MAP4K3: variants seen among roughly 807,000 people sequenced by gnomAD.
MAP4K3 encodes the protein mitogen-activated protein kinase kinase kinase kinase 3.
In MAP4K3, 94 loss-of-function variants were observed where a neutral mutation model predicts 143.5. The observed-to-expected ratio is 0.65, with a 90% CI of 0.55 to 0.78. MAP4K3 has a LOEUF of 0.78. Among genes scored for constraint, MAP4K3 ranks in the 30% least tolerant of loss-of-function variants. The pLI is 0.00. For synonymous variants in MAP4K3, 416 were observed against 347.2 expected (o/e 1.20, Z -2.20); for missense variants, 1,077 against 1,068.1 (o/e 1.01, Z -0.12).
In MAP4K3 at chr2:39,323,139, CT is replaced by C. The variant is rs1010734842; in HGVS notation, c.918+2378del. On this transcript the variant is annotated intron_variant, in intron 12 of 33. Coordinates refer to ENST00000263881, the MANE Select transcript of MAP4K3 (RefSeq NM_003618.4). Reference sequence around the variant, plus strand: ...TTAAGAAAAACATTATTCTAAGCTACTGTGAGAGGGAATGTAACAGCTTCCC... The same window carrying C: ...TTAAGAAAAACATTATTCTAAGCTACGTGAGAGGGAATGTAACAGCTTCCC... Among the ~76,000 whole-genome samples, 8 of 152,136 alleles carry C rather than the reference CT, an allele frequency of 5.3e-5. 1 individual carries two copies. Among genetic ancestry groups the C allele is most frequent in the African/African-American group, 1.9e-4 (8 of 41,444 alleles).
intron 24 of MAP4K3, among the ~76,000 whole-genome samples, chr2:39,275,015 C>A (rs903996455): frequency 6.6e-6 from 1 of 152,194 alleles, no homozygotes; most frequent in African/African-American, 2.4e-5. Context: ...ATGAAAAATT[C>A]AGGCTCCACA....
intron 1 of MAP4K3, among the ~76,000 whole-genome samples, chr2:39,390,422 G>A (rs570381123): frequency 2.0e-5 from 3 of 152,278 alleles, no homozygotes; most frequent in Non-Finnish European, 2.9e-5. Flanking sequence ...TCCACACCAC[G>A]CAGACTCTGA....
chr2:39,263,023 C>G (rs1680627999), intron 28 of MAP4K3, among the ~76,000 whole-genome samples: 1 of 151,716 alleles, frequency 6.6e-6, no homozygotes. Flanking sequence ...TCCTGGGAGG[C>G]TGAGGGTGCA....
chr2:39,424,239 C>G (rs117781071), intron 1 of MAP4K3, among the ~76,000 whole-genome samples: 1 of 152,216 alleles, frequency 6.6e-6, no homozygotes, highest in East Asian at 1.9e-4. Context: ...CCATCGCGCC[C>G]GGCCTGGTTC....
intron 21 of MAP4K3, among the ~76,000 whole-genome samples, 151 bp downstream of exon 21, chr2:39,286,696 ATAATC>A: frequency 6.6e-6 from 1 of 152,330 alleles, no homozygotes; most frequent in South Asian, 2.1e-4. Context: ...CAAGATTTAA[ATAATC>A]TATTCACCAT....
chr2:39,346,565 G>A (rs930860656), intron 3 of MAP4K3, among the ~76,000 whole-genome samples: 5 of 152,138 alleles, frequency 3.3e-5, no homozygotes, highest in Non-Finnish European at 7.4e-5. Flanking sequence ...CCTTGGGGCA[G>A]TGAGCTAACT....
intron 1 of MAP4K3, among the ~76,000 whole-genome samples, chr2:39,405,621 A>G (rs1667072860): frequency 6.6e-6 from 1 of 152,154 alleles, no homozygotes; most frequent in Admixed American, 6.5e-5. Context: ...TAATCCCAAC[A>G]CTTTGAGAGG....
chr2:39,292,949 T>G (rs549230589), intron 17 of MAP4K3, 123 bp from the exon 18 acceptor site: 6 of 805,618 alleles, frequency 7.4e-6, no homozygotes, highest in Non-Finnish European at 1.2e-5. Context: ...CTTTATAGGA[T>G]AGGATAGATT....
intron 14 of MAP4K3, among the ~76,000 whole-genome samples, chr2:39,308,741 A>G (rs1394478293): frequency 2.0e-5 from 3 of 152,126 alleles, no homozygotes; most frequent in East Asian, 3.8e-4. Context: ...TTATCTGGAA[A>G]GGAGTATATA....
At chr2:39,300,903 A>C (rs1682478013) in intron 15 of MAP4K3, among the ~76,000 whole-genome samples, 1 of 152,220 alleles carries the variant, frequency 6.6e-6, no homozygotes, top group African/African-American at 2.4e-5. Context: ...TTCTTTCCTT[A>C]CAGCCTACGG....
At chr2:39,410,542 A>G (rs1667207501) in intron 1 of MAP4K3, among the ~76,000 whole-genome samples, 1 of 152,198 alleles carries the variant, frequency 6.6e-6, no homozygotes, top group Non-Finnish European at 1.5e-5. Flanking sequence ...ACAGCCAAAA[A>G]TCTTATTACA....
chr2:39,436,949 C>T lies in MAP4K3; in HGVS notation c.39G>A (p.Gln13=), dbSNP rs779366669. Residue 13 remains glutamine, a synonymous_variant, in exon 1 of 34, where the codon CAG becomes CAA. Coordinates refer to ENST00000263881, the MANE Select transcript of MAP4K3 (RefSeq NM_003618.4). ...TGCGCTGAATCAGCTCGAAGTCCTC[C>T]TGCGGGTTCCGGCGGGACAAATCGA... The part of the protein sequence containing the change: ...PGFDLSRRNP[Q]EDFELIQRIG... 3 of 1,612,730 alleles carry T rather than the reference C, an allele frequency of 1.9e-6. No homozygotes were observed. The highest frequency in any genetic ancestry group is 2.5e-6 in the Non-Finnish European group (3 of 1,179,462).
intron 1 of MAP4K3, 140 bp downstream of exon 1, chr2:39,436,752 C>T (rs1572525777): frequency 2.9e-6 from 2 of 692,096 alleles, no homozygotes; most frequent in East Asian, 2.9e-5. Context: ...CAGCAGAGCC[C>T]TTGGCGTCCG....
intron 1 of MAP4K3, among the ~76,000 whole-genome samples, chr2:39,391,933 A>T (rs1666672806): frequency 6.6e-6 from 1 of 152,116 alleles, no homozygotes; most frequent in Non-Finnish European, 1.5e-5. Flanking sequence ...CTGTAATCCT[A>T]GCACTTTGGG....
At chr2:39,292,006 C>T (rs1682066168) in intron 18 of MAP4K3, among the ~76,000 whole-genome samples, 1 of 151,530 alleles carries the variant, frequency 6.6e-6, no homozygotes. Context: ...CTCAAGTGCT[C>T]TTATCATTTT....
chr2:39,268,218 T>C (rs770901764), intron 26 of MAP4K3, among the ~76,000 whole-genome samples: 9 of 152,170 alleles, frequency 5.9e-5, no homozygotes, highest in Non-Finnish European at 1.2e-4. Flanking sequence ...AAACTACACA[T>C]ACACTCAAAT....
chr2:39,271,427 A>G (rs193202527), intron 26 of MAP4K3, among the ~76,000 whole-genome samples: 165 of 152,356 alleles, frequency 1.1e-3, no homozygotes, highest in Non-Finnish European at 1.7e-3. Context: ...TATAAAAAAG[A>G]ATAGGCATAT....
At chr2:39,435,650 T>C (rs1438360415) in intron 1 of MAP4K3, among the ~76,000 whole-genome samples, 1 of 152,248 alleles carries the variant, frequency 6.6e-6, no homozygotes, top group Non-Finnish European at 1.5e-5. Context: ...GGCTATTTAA[T>C]ACTGTCCTTG....
chr2:39,333,961 TTGTGTGTG>T lies in MAP4K3; in HGVS notation c.415-395_415-388del, dbSNP rs60361690. Among the ~76,000 whole-genome samples, 738 of 144,138 alleles carry T rather than the reference TTGTGTGTG, an allele frequency of 5.1e-3. 3 individuals are homozygous for T. The highest frequency in any genetic ancestry group is 0.017 in the African/African-American group (677 of 39,822). 94.6% of individuals were successfully genotyped at this position (144,138 alleles called of 152,430 possible). On this transcript the variant is annotated intron_variant, in intron 6 of 33. Coordinates refer to ENST00000263881, the MANE Select transcript of MAP4K3 (RefSeq NM_003618.4). ...TAAACTTGATTATTGTTTCCCATTT[TTGTGTGTG>T]TGTGTGTGTGTGTGTGTGTGTGTGT...
Sources: gnomAD v4.1 joint callset for allele counts (sites outside exome capture counted in the v4.1 genomes callset) on GRCh38, gnomAD v4.1.1 for gene constraint, MANE v1.5 for transcripts, NCBI Gene and HGNC (gene_info 2026-07-23, HGNC 2026-07-21) for gene names.